The following CCDC148 variants were observed in gnomAD, a reference collection of about 807,000 sequenced individuals.
CCDC148 encodes coiled-coil domain-containing protein 148.
A neutral mutation model predicts 85.7 loss-of-function variants in CCDC148; 89 were observed. That is an observed-to-expected ratio of 1.04 (90% confidence interval 0.87 to 1.24). The LOEUF (loss-of-function observed/expected upper bound fraction) is 1.24. Ranked by LOEUF, CCDC148 falls within the 50% of genes most tolerant of loss-of-function variation. The pLI is 0.00. For missense variants in CCDC148, 692 were observed against 671.7 expected (o/e 1.03, Z -0.33); for synonymous variants, 230 against 213.9 (o/e 1.08, Z -0.66).
At chr2:158,304,410 G>T (rs566571740) in intron 9 of CCDC148, among the ~76,000 whole-genome samples, 1 of 152,256 alleles carries the variant, frequency 6.6e-6, no homozygotes, top group African/African-American at 2.4e-5. Context: ...CCTGATGTGG[G>T]TCATGCTCAT....
intron 9 of CCDC148, among the ~76,000 whole-genome samples, chr2:158,299,581 T>C (rs1462469272): frequency 8.5e-5 from 13 of 152,202 alleles, no homozygotes; most frequent in Non-Finnish European, 1.8e-4. Context: ...ATTTCAAAAA[T>C]CTCATCCATA....
chr2:158,323,700 G>C (rs935946058), intron 7 of CCDC148, among the ~76,000 whole-genome samples: 1 of 152,098 alleles, frequency 6.6e-6, no homozygotes, highest in Non-Finnish European at 1.5e-5. Flanking sequence ...CTTCCTTTGA[G>C]CTATAGTTTC....
In CCDC148 at chr2:158,448,592, G is replaced by A. The variant is rs1443581260; in HGVS notation, c.25+7823C>T. ...CTCCTGAGCTCAAGCAATCCACCCC[G>A]CTCGGCCTTCCAAAGTGCTGGGATC... is the stretch of plus-strand genomic sequence containing the variant. On this transcript the variant is annotated intron_variant, in intron 1 of 13. Transcript: ENST00000283233. Among the ~76,000 whole-genome samples the A allele has an allele frequency of 5.3e-5, 8 of 151,922 alleles. 1 individual carries two copies. The highest frequency in any genetic ancestry group is 4.6e-4 in the Admixed American group (7 of 15,248).
At chr2:158,186,975 T>A (rs1399017157) in intron 11 of CCDC148, among the ~76,000 whole-genome samples, 1 of 151,988 alleles carries the variant, frequency 6.6e-6, no homozygotes, top group Non-Finnish European at 1.5e-5. Flanking sequence ...CAACTCTAAT[T>A]CTTTGTTGAA....
At chr2:158,277,593 T>C (rs770608864) in intron 9 of CCDC148, among the ~76,000 whole-genome samples, 14 of 151,934 alleles carry the variant, frequency 9.2e-5, no homozygotes, top group Non-Finnish European at 1.6e-4. Context: ...TGAGTTATGT[T>C]TTTTTGTTTT....
chr2:158,207,954 GACAC>G (rs34660144), intron 11 of CCDC148, among the ~76,000 whole-genome samples: 3,319 of 149,060 alleles, frequency 0.022, 123 homozygotes, highest in African/African-American at 0.072. Context: ...ATTTTGATCT[GACAC>G]ACACACACAC....
chr2:158,214,487 G>GAAATAAAATACATTGA (rs1459139498), intron 11 of CCDC148, among the ~76,000 whole-genome samples: 2 of 152,138 alleles, frequency 1.3e-5, no homozygotes, highest in African/African-American at 4.8e-5. Context: ...AATTGATTAG[G>GAAATAAAATACATTGA]AAATAAAATA....
At chr2:158,306,235 G>C (rs1165141103) in intron 9 of CCDC148, among the ~76,000 whole-genome samples, 1 of 151,922 alleles carries the variant, frequency 6.6e-6, no homozygotes, top group Non-Finnish European at 1.5e-5. Flanking sequence ...TAAAAATAGT[G>C]ATTTTGGCCA....
intron 2 of CCDC148, among the ~76,000 whole-genome samples, chr2:158,353,865 A>C (rs568513342): frequency 1.3e-5 from 2 of 152,326 alleles, no homozygotes. Flanking sequence ...AACAGAAATT[A>C]TAACAAACTA....
chr2:158,279,469 C>T (rs976929209), intron 9 of CCDC148, among the ~76,000 whole-genome samples: 5 of 152,084 alleles, frequency 3.3e-5, no homozygotes, highest in African/African-American at 9.6e-5. Context: ...ATGAGAACTA[C>T]GTGAAGAATG....
chr2:158,340,217 T>C (rs201501510), intron 5 of CCDC148, 25 bp downstream of exon 5: 14 of 1,605,592 alleles, frequency 8.7e-6, no homozygotes, highest in Middle Eastern at 1.7e-4. Flanking sequence ...TATTACATTA[T>C]GGAAAATAAA....
rs79355378 is a variant in CCDC148, at chr2:158,385,861, T to C, written c.26-27291A>G. Among the ~76,000 whole-genome samples, 1,495 of 152,162 alleles carry C rather than the reference T, an allele frequency of 9.8e-3. 17 individuals carry two copies. The highest frequency in any genetic ancestry group is 0.033 in the African/African-American group (1,374 of 41,510). Reference sequence around the variant, plus strand: ...AGCATACCCTGTTACCATCTGTCTATGGTAACATCTAGGTCATGCCTATCT... The same window carrying C: ...AGCATACCCTGTTACCATCTGTCTACGGTAACATCTAGGTCATGCCTATCT... On this transcript the variant is annotated intron_variant, in intron 1 of 13. Coordinates refer to ENST00000283233, the MANE Select transcript of CCDC148 (RefSeq NM_138803.4).
rs191478851 is a variant in CCDC148 at position 158,332,107 on chromosome 2, G to T, written c.764+6619C>A. ...ATGCAGTTTCTTCCTAGCCTTGATG[G>T]TCTTTACAATTTGGCATGTTTTTGC... On this transcript the variant is annotated intron_variant, in intron 7 of 13. Transcript: ENST00000283233. Among the ~76,000 whole-genome samples, 252 of 152,210 alleles carry T rather than the reference G, an allele frequency of 1.7e-3. 6 individuals are homozygous for T. The East Asian group carries it at 0.044, about 27-fold the overall frequency.
chr2:158,340,756 T>C lies in CCDC148; in HGVS notation c.252-76A>G. ...GGTTTTTAAAAAATAACCAAAGAGA[T>C]ATTTAGTCTAATATGGCTTTGTCAT... On this transcript the variant is annotated intron_variant, in intron 3 of 13. Transcript: ENST00000283233. 3.5e-6 allele frequency: 3 copies of C among 850,792 alleles called. No homozygotes were observed. The East Asian group carries it at 8.0e-5, about 23-fold the overall frequency. 52.7% of individuals were successfully genotyped at this position (850,792 alleles called of 1,614,324 possible). A position where few individuals can be genotyped will look rare whatever the true frequency, so the allele number is the denominator to read the frequency against.
Position 158,444,785 on chromosome 2 carries a change from GAAAAAAAAAAAA to G in CCDC148, c.25+11618_25+11629del, listed in dbSNP as rs11433320. On this transcript the variant is annotated intron_variant, in intron 1 of 13. Transcript: ENST00000283233. The stretch of plus-strand genomic sequence containing the variant: ...GGGTGACAGAGCGAGACCCTGTCTT[GAAAAAAAAAAAA>G]AAAAAAAAAAAAAGATTTACAAGAA... Among the ~76,000 whole-genome samples, 663 of 66,692 alleles carry G rather than the reference GAAAAAAAAAAAA, an allele frequency of 9.9e-3. 15 individuals are homozygous for G. The highest frequency in any genetic ancestry group is 0.044 in the African/African-American group (633 of 14,482). 43.8% of individuals were successfully genotyped at this position (66,692 alleles called of 152,430 possible).
chr2:158,321,042 C>A (rs1339506913), intron 7 of CCDC148, among the ~76,000 whole-genome samples: 1 of 151,932 alleles, frequency 6.6e-6, no homozygotes, highest in Non-Finnish European at 1.5e-5. Context: ...TTGAGGGTAT[C>A]CTGCAGAAAG....
At chr2:158,386,323 C>G (rs745873878) in intron 1 of CCDC148, among the ~76,000 whole-genome samples, 16 of 152,028 alleles carry the variant, frequency 1.1e-4, no homozygotes, top group Non-Finnish European at 2.2e-4. Context: ...ACCCTTTTTA[C>G]CATACCAGTG....
intron 10 of CCDC148, among the ~76,000 whole-genome samples, chr2:158,222,823 T>C (rs112020750): frequency 6.6e-6 from 1 of 152,130 alleles, no homozygotes; most frequent in East Asian, 1.9e-4. Context: ...CTTCAAGAAT[T>C]CAGATACTTG....
At chr2:158,217,336 GTA>G (rs141810507) in intron 11 of CCDC148, among the ~76,000 whole-genome samples, 46,971 of 137,442 alleles carry the variant, frequency 0.34, 8,256 homozygotes, top group Middle Eastern at 0.44. Context: ...ATAATTTTGT[GTA>G]TATATATATA....
Sources: allele counts gnomAD v4.1 joint callset (sites outside exome capture counted in the v4.1 genomes callset), GRCh38; gene constraint gnomAD v4.1.1; transcripts MANE v1.5; gene names NCBI Gene and HGNC (gene_info 2026-07-23, HGNC 2026-07-21).